The following CDH13 variants were observed in gnomAD, a reference collection of about 807,000 sequenced individuals.
CDH13 encodes cadherin 13.
In CDH13, 24 loss-of-function variants were observed where a neutral mutation model predicts 63.8. That is an observed-to-expected ratio of 0.38 (90% confidence interval 0.27 to 0.53). CDH13 has a LOEUF of 0.53. Ranked by LOEUF, CDH13 falls within the 20% of genes least tolerant of loss-of-function variation. CDH13 has a pLI of 0.85. For synonymous variants in CDH13, 503 were observed against 355.3 expected (o/e 1.42, Z -4.67); for missense variants, 1,049 against 903.1 (o/e 1.16, Z -2.07).
At chr16:82,907,170 G>C (rs1300679912) in intron 2 of CDH13, among the ~76,000 whole-genome samples, 1 of 152,126 alleles carries the variant, frequency 6.6e-6, no homozygotes, top group Non-Finnish European at 1.5e-5. Flanking sequence ...TCTGATGATT[G>C]CCTAGTTCAG....
At chr16:83,460,614 A>G (rs1297087738) in intron 6 of CDH13, among the ~76,000 whole-genome samples, 1 of 152,232 alleles carries the variant, frequency 6.6e-6, no homozygotes, top group Non-Finnish European at 1.5e-5. Context: ...TCATTTATAT[A>G]GAGTTCAAAA....
intron 3 of CDH13, among the ~76,000 whole-genome samples, chr16:83,102,537 G>A (rs7189236): frequency 0.49 from 73,755 of 151,796 alleles, 18,215 homozygotes; most frequent in East Asian, 0.69. Flanking sequence ...ACTGTAACCC[G>A]GAACAAGGAC....
At chr16:83,699,663 ACACT>A (rs887451656) in intron 10 of CDH13, among the ~76,000 whole-genome samples, 15 of 151,746 alleles carry the variant, frequency 9.9e-5, no homozygotes, top group African/African-American at 1.5e-4. Context: ...ACATACACAC[ACACT>A]CACTGTCATC....
chr16:83,186,763 A>G (rs2038538819), intron 4 of CDH13, among the ~76,000 whole-genome samples: 3 of 152,102 alleles, frequency 2.0e-5, no homozygotes, highest in Admixed American at 2.0e-4. Context: ...TTGACTTGAA[A>G]GAATGAGACA....
chr16:82,718,768 G>A (rs549323398), intron 1 of CDH13, among the ~76,000 whole-genome samples: 35 of 152,196 alleles, frequency 2.3e-4, no homozygotes, highest in African/African-American at 7.7e-4. Context: ...AGAACAGCAT[G>A]GGAAAGACCC....
At position 83,245,290 on chromosome 16, in the gene CDH13, C is replaced by T. The variant is rs1290037596; in HGVS notation, c.636+27793C>T. 2.0e-5 allele frequency among the ~76,000 whole-genome samples: 3 copies of T among 152,166 alleles called. No individual in the cohort carries two copies. In the East Asian group the frequency reaches 5.8e-4, roughly 29 times the overall value. On this transcript the variant is annotated intron_variant, in intron 5 of 13. Transcript: ENST00000567109. ...TTGTAGGGAACAACCACAAGAAGTT[C>T]TCGTGGGGAAATGACATCAGTCCTA... is the stretch of plus-strand genomic sequence containing the variant.
rs533701109 is a variant in CDH13 at position 83,457,463 on chromosome 16, C to G, written c.782-29014C>G. Among the ~76,000 whole-genome samples, 4 of 152,268 alleles carry G rather than the reference C, an allele frequency of 2.6e-5. No homozygotes were observed. In the South Asian group the frequency reaches 6.2e-4, roughly 24 times the overall value. ...GACACGTCACTTACCTCCCTTACCC[C>G]CTCTGCTTTTCAATTAAGGATTGTG... On this transcript the variant is annotated intron_variant, in intron 6 of 13. Transcript: ENST00000567109.
intron 10 of CDH13, among the ~76,000 whole-genome samples, chr16:83,719,699 G>A (rs567375960): frequency 6.6e-6 from 1 of 152,302 alleles, no homozygotes; most frequent in African/African-American, 2.4e-5. Context: ...AAGGTGAGGA[G>A]GCTGTGGCAT....
At chr16:83,393,585 T>C (rs886237624) in intron 6 of CDH13, among the ~76,000 whole-genome samples, 19 of 152,172 alleles carry the variant, frequency 1.2e-4, no homozygotes, top group African/African-American at 4.6e-4. Flanking sequence ...GGAGGAGACA[T>C]AGACATATAT....
intron 1 of CDH13, among the ~76,000 whole-genome samples, chr16:82,776,452 G>C (rs544279766): frequency 6.6e-6 from 1 of 152,234 alleles, no homozygotes; most frequent in African/African-American, 2.4e-5. Context: ...ATGCTTAGTG[G>C]GAGTCTCTGA....
At chr16:82,921,597 A>T (rs998543784) in intron 2 of CDH13, among the ~76,000 whole-genome samples, 5 of 152,316 alleles carry the variant, frequency 3.3e-5, no homozygotes, top group Middle Eastern at 3.4e-3. Context: ...AGGATCTGAC[A>T]TCTTTGGGAC....
intron 1 of CDH13, among the ~76,000 whole-genome samples, chr16:82,671,752 A>C (rs968255128): frequency 1.3e-5 from 2 of 152,178 alleles, no homozygotes; most frequent in African/African-American, 4.8e-5. Context: ...TGGTATTCTA[A>C]AGACTAGAGT....
At position 83,278,181 on chromosome 16, in the gene CDH13, C is replaced by T. The variant is rs185374404; in HGVS notation, c.636+60684C>T. On this transcript the variant is annotated intron_variant, in intron 5 of 13. Transcript: ENST00000567109. ...TTTGCAGTTATTCAATTTTAAGTAG[C>T]GGGAACCAAATCCATCTGGATTTTT... Among the ~76,000 whole-genome samples the T allele has an allele frequency of 3.4e-3, 512 of 152,186 alleles. 4 individuals are homozygous for T. Among genetic ancestry groups the T allele is most frequent in the African/African-American group, 0.012 (489 of 41,528 alleles).
chr16:83,272,197 T>C (rs933781630), intron 5 of CDH13, among the ~76,000 whole-genome samples: 1 of 152,190 alleles, frequency 6.6e-6, no homozygotes, highest in Non-Finnish European at 1.5e-5. Context: ...AGAAACTATA[T>C]TCTAGTGAGG....
intron 3 of CDH13, among the ~76,000 whole-genome samples, chr16:83,053,040 T>C (rs2030548551): frequency 6.6e-6 from 1 of 152,164 alleles, no homozygotes; most frequent in Non-Finnish European, 1.5e-5. Context: ...CCTAACTTTT[T>C]CTGTTGGTGA....
intron 11 of CDH13, among the ~76,000 whole-genome samples, chr16:83,756,134 C>A (rs1331382656): frequency 6.6e-6 from 1 of 151,816 alleles, no homozygotes; most frequent in Non-Finnish European, 1.5e-5. Context: ...GTAAAACTAA[C>A]AAATTAATAG....
intron 7 of CDH13, among the ~76,000 whole-genome samples, chr16:83,575,657 C>A (rs1905040246): frequency 1.3e-5 from 2 of 152,186 alleles, no homozygotes; most frequent in African/African-American, 4.8e-5. Flanking sequence ...TACCTCTTAA[C>A]CTCCCGTCAG....
chr16:82,760,809 G>C (rs926809408), intron 1 of CDH13, among the ~76,000 whole-genome samples: 6 of 151,992 alleles, frequency 3.9e-5, no homozygotes, highest in Non-Finnish European at 7.4e-5. Flanking sequence ...AGGGGGAGCA[G>C]GCATGTCACA....
In CDH13 at chr16:83,315,135, C is replaced by G. The variant is rs73595973; in HGVS notation, c.637-29727C>G. ...AACAACCAGCACAATAGTAGCCTGT[C>G]TGTGTATGATGCTTATAATTGTGAT... On this transcript the variant is annotated intron_variant, in intron 5 of 13. Transcript: ENST00000567109. 2.7e-3 allele frequency among the ~76,000 whole-genome samples: 412 copies of G among 152,306 alleles called. 5 individuals are homozygous for G. The highest frequency in any genetic ancestry group is 8.8e-3 in the African/African-American group (366 of 41,568).
Sources: allele counts gnomAD v4.1 joint callset (sites outside exome capture counted in the v4.1 genomes callset), GRCh38; gene constraint gnomAD v4.1.1; transcripts MANE v1.5; gene names NCBI Gene and HGNC (gene_info 2026-07-23, HGNC 2026-07-21).